IPP: variants seen among roughly 807,000 people sequenced by gnomAD.
The protein encoded by IPP is actin-binding protein IPP.
IPP carries 41 observed loss-of-function variants against 64.1 expected under a neutral mutation model. That is an observed-to-expected ratio of 0.64 (90% CI 0.50 to 0.83). IPP has a LOEUF of 0.83. Ranked by LOEUF, IPP falls within the 40% of genes least tolerant of loss-of-function variation. IPP has a pLI of 0.00. For missense variants in IPP, 649 were observed against 703.0 expected (o/e 0.92, Z 0.87); for synonymous variants, 214 against 235.2 (o/e 0.91, Z 0.83).
chr1:45,747,510 C>T (rs775657524), intron 1 of IPP, among the ~76,000 whole-genome samples: 21 of 152,094 alleles, frequency 1.4e-4, no homozygotes, highest in South Asian at 2.1e-4. Context: ...ATTAGGCCAC[C>T]GGACACGTTC....
intron 3 of IPP, among the ~76,000 whole-genome samples, chr1:45,731,825 A>G (rs1366652486): frequency 2.0e-5 from 3 of 151,714 alleles, no homozygotes; most frequent in Non-Finnish European, 4.4e-5. Context: ...AATCTCAGCT[A>G]CTCAGGAGGC....
chr1:45,707,289 G>A (rs541677334), intron 8 of IPP, among the ~76,000 whole-genome samples: 58 of 152,112 alleles, frequency 3.8e-4, no homozygotes, highest in African/African-American at 1.3e-3. Flanking sequence ...CAGGCGTGGT[G>A]GTGGGCGCCT....
intron 8 of IPP, among the ~76,000 whole-genome samples, chr1:45,713,631 C>G (rs986029128): frequency 6.6e-6 from 1 of 152,070 alleles, no homozygotes; most frequent in East Asian, 1.9e-4. Context: ...ATGGCTTGAT[C>G]ACAGCTCACT....
intron 3 of IPP, 134 bp downstream of exon 3, chr1:45,740,767 A>T: frequency 1.7e-6 from 1 of 572,606 alleles, no homozygotes; most frequent in Non-Finnish European, 3.0e-6. Context: ...TACATTTTAA[A>T]AAAAGAAAAA....
intron 3 of IPP, among the ~76,000 whole-genome samples, chr1:45,740,128 C>G (rs529216089): frequency 1.3e-5 from 2 of 152,318 alleles, no homozygotes; most frequent in African/African-American, 4.8e-5. Flanking sequence ...TCAGAGAGCA[C>G]AGGGTTGGGG....
chr1:45,736,972 G>A (rs1427002216), intron 3 of IPP, among the ~76,000 whole-genome samples: 1 of 151,522 alleles, frequency 6.6e-6, no homozygotes, highest in African/African-American at 2.4e-5. Flanking sequence ...GAACCCGGGA[G>A]GCGGAGGTTG....
chr1:45,743,711 A>G (rs189023298), intron 2 of IPP, among the ~76,000 whole-genome samples: 23 of 152,046 alleles, frequency 1.5e-4, no homozygotes, highest in Non-Finnish European at 3.1e-4. Context: ...TCTGTCTCAC[A>G]AAATAAAAAA....
At chr1:45,740,593 C>G (rs570040222) in intron 3 of IPP, among the ~76,000 whole-genome samples, 3 of 152,216 alleles carry the variant, frequency 2.0e-5, no homozygotes, top group African/African-American at 4.8e-5. Context: ...TTGGTTCTGT[C>G]AACAGCAGTG....
rs201118075 is a variant in IPP, at chr1:45,714,386, G to A, written c.1390C>T (p.Arg464Cys). Residue 464 changes from arginine (R) to cysteine (C), a missense_variant, in exon 8 of 9, where the codon CGT (arginine) becomes TGT (cysteine). Transcript: ENST00000396478. Reference protein sequence around the residue: ...SFEVYDPLSKRWSPLPPMGTR... With the variant: ...SFEVYDPLSKCWSPLPPMGTR... ...CCCATTGGAGGAAGTGGAGACCAAC[G>A]CTTAGAAAGTGGATCATAGACTTCA... The A allele has an allele frequency of 2.2e-5, 35 of 1,613,860 alleles. No homozygotes were observed. In the East Asian group the frequency reaches 2.5e-4, roughly 11 times the overall value.
chr1:45,746,929 ACT>A (rs1570060715), intron 1 of IPP, among the ~76,000 whole-genome samples: 1 of 151,972 alleles, frequency 6.6e-6, no homozygotes, highest in African/African-American at 2.4e-5. Context: ...ATAATTTAAG[ACT>A]CTGTTCAAAT....
At chr1:45,725,394 C>T (rs1238496987) in intron 5 of IPP, among the ~76,000 whole-genome samples, 1 of 147,272 alleles carries the variant, frequency 6.8e-6, no homozygotes, top group Non-Finnish European at 1.5e-5. Context: ...AGGGGCGCCT[C>T]TGCCCGGCCG....
At chr1:45,726,180 CGG>C (rs1335346720) in intron 5 of IPP, among the ~76,000 whole-genome samples, 7 of 149,822 alleles carry the variant, frequency 4.7e-5, no homozygotes, top group African/African-American at 1.5e-4. Context: ...AAAAAATGGC[CGG>C]GCATGGTGGC....
chr1:45,715,020 G>C (rs1645638631), intron 7 of IPP, among the ~76,000 whole-genome samples: 1 of 152,030 alleles, frequency 6.6e-6, no homozygotes, highest in African/African-American at 2.4e-5. Context: ...TTGAGCTTGA[G>C]ACCAACCTGG....
chr1:45,713,358 C>T (rs1364680912), intron 8 of IPP, among the ~76,000 whole-genome samples: 3 of 151,956 alleles, frequency 2.0e-5, no homozygotes, highest in Non-Finnish European at 2.9e-5. Context: ...GTAGGGAGTT[C>T]GAAACCAGCC....
intron 5 of IPP, among the ~76,000 whole-genome samples, chr1:45,726,570 C>T (rs987749561): frequency 6.6e-6 from 1 of 152,036 alleles, no homozygotes; most frequent in African/African-American, 2.4e-5. Context: ...TACAAAACAC[C>T]ATGATTTCGA....
Position 45,741,313 on chromosome 1 carries a change from C to T in IPP, c.312G>A (p.Val104=), listed in dbSNP as rs2148581946. Residue 104 remains valine (V), a synonymous_variant, in exon 3 of 9, where the codon GTG becomes GTA. Coordinates refer to ENST00000396478, the MANE Select transcript of IPP (RefSeq NM_005897.3). ...CAATAATCAACTCCTGGACATTATT[C>T]ACACCTATGTTCACTATACCTAGAG... is the stretch of plus-strand genomic sequence containing the variant. ...FIYTGIVNIG[V]NNVQELIIAA... 4 of 1,611,222 alleles carry T rather than the reference C, an allele frequency of 2.5e-6. No homozygotes were observed. Among genetic ancestry groups the T allele is most frequent in the Non-Finnish European group, 3.4e-6 (4 of 1,177,852 alleles).
At chr1:45,729,390 G>T (rs188917810) in intron 4 of IPP, among the ~76,000 whole-genome samples, 8 of 152,070 alleles carry the variant, frequency 5.3e-5, no homozygotes, top group Non-Finnish European at 1.0e-4. Context: ...CAAAGGTTTA[G>T]ATCACAGAAT....
At chr1:45,747,856 A>C (rs1400737275) in intron 1 of IPP, among the ~76,000 whole-genome samples, 5 of 149,998 alleles carry the variant, frequency 3.3e-5, no homozygotes, top group Admixed American at 6.6e-5. Flanking sequence ...AAAAAAAAAA[A>C]AAAAAAAAAA....
intron 1 of IPP, 80 bp from the exon 2 acceptor site, chr1:45,746,541 A>T (rs904136708): frequency 1.6e-6 from 1 of 623,654 alleles, no homozygotes; most frequent in African/African-American, 1.8e-5. Flanking sequence ...AGCATTCTCT[A>T]TACTTAAAAT....
Sources: allele counts gnomAD v4.1 joint callset (sites outside exome capture counted in the v4.1 genomes callset), GRCh38; gene constraint gnomAD v4.1.1; transcripts MANE v1.5; gene names NCBI Gene and HGNC (gene_info 2026-07-23, HGNC 2026-07-21).